CHMP2B: variants seen among roughly 807,000 people sequenced by gnomAD.
CHMP2B encodes the protein charged multivesicular body protein 2B.
Under a neutral mutation model 29.8 loss-of-function variants are expected in CHMP2B, and 22 were observed. That is an observed-to-expected ratio of 0.74 (90% CI 0.53 to 1.05). CHMP2B has a LOEUF of 1.05. Among genes scored for constraint, CHMP2B ranks in the 50% least tolerant of loss-of-function variants. CHMP2B has a pLI of 0.00. For missense variants in CHMP2B, 261 were observed against 252.2 expected (o/e 1.03, Z -0.24); for synonymous variants, 78 against 75.8 (o/e 1.03, Z -0.15).
rs72924009 is a variant in CHMP2B at position 87,235,177 on chromosome 3, G to A, written c.35-5522G>A. Among the ~76,000 whole-genome samples, 350 of 152,210 alleles carry A rather than the reference G, an allele frequency of 2.3e-3. 1 individual carries two copies. The highest frequency in any genetic ancestry group is 8.1e-3 in the African/African-American group (336 of 41,540). ...CTTAAAGAGATTGTAATCTTGGGAT[G>A]GAATCATACCTACTAAGAAATAAAT... is the stretch of plus-strand genomic sequence containing the variant. On this transcript the variant is annotated intron_variant, in intron 1 of 5. Transcript: ENST00000263780.
intron 2 of CHMP2B, among the ~76,000 whole-genome samples, chr3:87,243,786 T>C (rs1706163424): frequency 1.3e-5 from 2 of 152,148 alleles, no homozygotes; most frequent in South Asian, 2.1e-4. Flanking sequence ...GTTTATAATA[T>C]GCCCTTACTA....
chr3:87,248,480 C>T (rs1373177628), intron 3 of CHMP2B, among the ~76,000 whole-genome samples: 1 of 151,712 alleles, frequency 6.6e-6, no homozygotes, highest in Non-Finnish European at 1.5e-5. Flanking sequence ...CCACAGCCCC[C>T]TGAGTAGCTG....
chr3:87,228,750 A>C (rs375512735), intron 1 of CHMP2B, among the ~76,000 whole-genome samples: 20 of 152,324 alleles, frequency 1.3e-4, no homozygotes, highest in African/African-American at 4.8e-4. Flanking sequence ...CTTTTTATTA[A>C]GTACCATTTG....
chr3:87,253,818 A>G lies in CHMP2B; in HGVS notation c.638A>G (p.Asp213Gly). ...IERQLKALGVD is the reference protein window; with the variant it reads ...IERQLKALGVG Reference sequence around the variant, plus strand: ...CGGCAACTCAAGGCTTTAGGAGTAGATTAGTCAAAAGAAGTCATACTATTT... The same window carrying G: ...CGGCAACTCAAGGCTTTAGGAGTAGGTTAGTCAAAAGAAGTCATACTATTT... Residue 213 changes from aspartate (D) to glycine (G), a missense_variant, in exon 6 of 6, where the codon GAT becomes GGT. Transcript: ENST00000263780. 6.2e-7 allele frequency: 1 copy of G among 1,607,666 alleles called. No homozygotes were observed. The highest frequency in any genetic ancestry group is 8.5e-7 in the Non-Finnish European group (1 of 1,174,600).
chr3:87,236,880 T>C (rs1706024772), intron 1 of CHMP2B, among the ~76,000 whole-genome samples: 1 of 151,964 alleles, frequency 6.6e-6, no homozygotes, highest in Admixed American at 6.6e-5. Context: ...CATCACTATC[T>C]GATACTGTCA....
intron 2 of CHMP2B, among the ~76,000 whole-genome samples, chr3:87,243,636 G>A (rs1706161481): frequency 6.6e-6 from 1 of 152,094 alleles, no homozygotes; most frequent in Non-Finnish European, 1.5e-5. Context: ...TTCTTTGTGG[G>A]TAGGTTATTA....
At chr3:87,227,597 T>A in intron 1 of CHMP2B, 41 bp downstream of exon 1, 1 of 1,613,782 alleles carries the variant, frequency 6.2e-7, no homozygotes, top group Non-Finnish European at 8.5e-7. Context: ...GCTCTGCGTT[T>A]TCTCGGCGTC....
intron 4 of CHMP2B, among the ~76,000 whole-genome samples, chr3:87,252,662 CT>C (rs1270652155): frequency 6.6e-6 from 1 of 151,912 alleles, no homozygotes; most frequent in Non-Finnish European, 1.5e-5. Flanking sequence ...CAAGTGTCAA[CT>C]ACCCGAGGTC....
At chr3:87,230,628 A>C (rs905367381) in intron 1 of CHMP2B, among the ~76,000 whole-genome samples, 2 of 151,744 alleles carry the variant, frequency 1.3e-5, no homozygotes, top group Non-Finnish European at 2.9e-5. Flanking sequence ...GAAATAACCC[A>C]CTCCTGACTC....
At chr3:87,243,155 C>T (rs1034670243) in intron 2 of CHMP2B, among the ~76,000 whole-genome samples, 1 of 152,150 alleles carries the variant, frequency 6.6e-6, no homozygotes, top group African/African-American at 2.4e-5. Flanking sequence ...CAACTTTCCT[C>T]AGCAGTGTTT....
At chr3:87,229,626 T>C (rs1430829735) in intron 1 of CHMP2B, among the ~76,000 whole-genome samples, 1 of 152,162 alleles carries the variant, frequency 6.6e-6, no homozygotes, top group Non-Finnish European at 1.5e-5. Context: ...AGGCTGTATA[T>C]TATGAATATG....
chr3:87,229,412 T>TA (rs1705866825), intron 1 of CHMP2B, among the ~76,000 whole-genome samples: 1 of 152,214 alleles, frequency 6.6e-6, no homozygotes, highest in Admixed American at 6.5e-5. Flanking sequence ...GGCCAGCAGG[T>TA]ACATTTACTA....
At chr3:87,245,165 C>T (rs867218072) in intron 2 of CHMP2B, among the ~76,000 whole-genome samples, 2 of 151,980 alleles carry the variant, frequency 1.3e-5, no homozygotes, top group Non-Finnish European at 2.9e-5. Flanking sequence ...TTGATAAGTA[C>T]GTATATAGCA....
At chr3:87,248,848 CAT>C (rs1215894424) in intron 3 of CHMP2B, among the ~76,000 whole-genome samples, 2 of 151,984 alleles carry the variant, frequency 1.3e-5, no homozygotes, top group Admixed American at 6.6e-5. Context: ...CTGTTTGCTT[CAT>C]ATCTTTGAAA....
intron 1 of CHMP2B, among the ~76,000 whole-genome samples, chr3:87,229,645 T>C (rs1705872608): frequency 6.6e-6 from 1 of 152,176 alleles, no homozygotes; most frequent in Non-Finnish European, 1.5e-5. Context: ...TGAAGTTTAA[T>C]GTATTTTTAT....
At chr3:87,240,934 T>A in intron 2 of CHMP2B, 144 bp downstream of exon 2, 1 of 686,394 alleles carries the variant, frequency 1.5e-6, no homozygotes, top group South Asian at 1.6e-5. Flanking sequence ...GATTTTTGTA[T>A]CTTCTGCTTA....
At chr3:87,241,969 T>C (rs1399008965) in intron 2 of CHMP2B, among the ~76,000 whole-genome samples, 3 of 152,142 alleles carry the variant, frequency 2.0e-5, no homozygotes, top group African/African-American at 4.8e-5. Context: ...ATACTTGGAG[T>C]TGACAGTCTT....
chr3:87,228,131 A>G (rs1371998957), intron 1 of CHMP2B, among the ~76,000 whole-genome samples: 2 of 152,206 alleles, frequency 1.3e-5, no homozygotes, highest in Non-Finnish European at 2.9e-5. Flanking sequence ...TAGTTTTCAT[A>G]ATGGATTTTT....
intron 1 of CHMP2B, among the ~76,000 whole-genome samples, chr3:87,236,471 G>T (rs1351749942): frequency 6.6e-6 from 1 of 152,122 alleles, no homozygotes; most frequent in African/African-American, 2.4e-5. Context: ...AGCAGTTGCT[G>T]TGCACCTGTG....
Sources: gnomAD v4.1 joint callset for allele counts (sites outside exome capture counted in the v4.1 genomes callset) on GRCh38, gnomAD v4.1.1 for gene constraint, MANE v1.5 for transcripts, NCBI Gene and HGNC (gene_info 2026-07-23, HGNC 2026-07-21) for gene names.